CRYBG1: variants seen among roughly 807,000 people sequenced by gnomAD.
CRYBG1 encodes beta/gamma crystallin domain-containing protein 1.
A neutral mutation model predicts 189.2 loss-of-function variants in CRYBG1; 139 were observed. That is an observed-to-expected ratio of 0.73 (90% CI 0.64 to 0.85). CRYBG1 has a LOEUF of 0.85. CRYBG1 is among the 40% of genes least tolerant of loss of function. The pLI, the probability that CRYBG1 is intolerant of heterozygous loss-of-function variation, is 0.00. For missense variants in CRYBG1, 2,611 were observed against 2,675.8 expected (o/e 0.98, Z 0.53); for synonymous variants, 1,023 against 1,017.1 (o/e 1.01, Z -0.11).
chr6:106,470,466 G>A (rs1475471173), intron 2 of CRYBG1, among the ~76,000 whole-genome samples: 1 of 152,082 alleles, frequency 6.6e-6, no homozygotes, highest in African/African-American at 2.4e-5. Context: ...CCAGCTACTT[G>A]GGAGGCTGAG....
rs373859652 is a variant in CRYBG1, at chr6:106,539,515, C to T, written c.4831C>T (p.Arg1611Trp). The T allele has an allele frequency of 1.2e-5, 20 of 1,609,486 alleles. No individual in the cohort carries two copies. Among genetic ancestry groups the T allele is most frequent in the African/African-American group, 8.0e-5 (6 of 74,628 alleles). The change falls in exon 9 of 22, where the codon CGG becomes TGG. Residue 1611 changes from arginine (R) to tryptophan (W), a missense_variant. Arg to Trp is a moderately radical substitution (Grantham distance 101). This residue lies in a region of CRYBG1 where 1,622 missense variants were observed against 1,735.0 expected (regional missense o/e 0.93). Transcript: ENST00000633556. ...DTEEAYIGSMRPLKMGGRKVE... is the reference protein window; with the variant it reads ...DTEEAYIGSMWPLKMGGRKVE... Reference sequence around the variant, plus strand: ...AGAAGAAGCGTACATTGGATCCATGCGGCCTCTGAAAATGGTAAAAATGAA... The same window carrying T: ...AGAAGAAGCGTACATTGGATCCATGTGGCCTCTGAAAATGGTAAAAATGAA...
In CRYBG1 at chr6:106,530,323, T is replaced by G. The variant is rs1053487407; in HGVS notation, c.4718+8T>G. On this transcript the variant is annotated splice_region_variant and intron_variant, in intron 8 of 21. Coordinates refer to ENST00000633556, the MANE Select transcript of CRYBG1 (RefSeq NM_001371242.2). ...GAAAGTACATTGGGGCACGTAAGTA[T>G]TTTTTTTTCAAACAAATTTTAATGA... 2 of 1,557,642 alleles carry G rather than the reference T, an allele frequency of 1.3e-6. No homozygotes were observed. Among genetic ancestry groups the G allele is most frequent in the African/African-American group, 2.8e-5 (2 of 72,486 alleles).
At chr6:106,453,145 T>C (rs943278286) in intron 2 of CRYBG1, among the ~76,000 whole-genome samples, 1 of 152,224 alleles carries the variant, frequency 6.6e-6, no homozygotes, top group South Asian at 2.1e-4. Context: ...TAGTTCTGTA[T>C]AGTTAAAAAT....
chr6:106,530,180 A>T lies in CRYBG1; in HGVS notation c.4583A>T (p.Tyr1528Phe). ...IGSIRHVVQD[Y>F]RVSHIDLFTE... ...TATGCATCTATATTTTTTCAGGATTACAGAGTTAGTCACATTGACTTATTT... is the reference window on the plus strand; with the variant it reads ...TATGCATCTATATTTTTTCAGGATTTCAGAGTTAGTCACATTGACTTATTT... Residue 1528 changes from tyrosine to phenylalanine, a missense_variant, in exon 8 of 22, where the codon TAC becomes TTC. Tyr to Phe is a conservative substitution (Grantham distance 22). Coordinates refer to ENST00000633556, the MANE Select transcript of CRYBG1 (RefSeq NM_001371242.2). 6.2e-7 allele frequency: 1 copy of T among 1,609,366 alleles called. No homozygotes were observed. Among genetic ancestry groups the T allele is most frequent in the Non-Finnish European group, 8.5e-7 (1 of 1,177,658 alleles).
At position 106,360,913 on chromosome 6, in the gene CRYBG1, C is replaced by T. The variant is rs1175992685; in HGVS notation, c.5C>T (p.Pro2Leu). The change falls in exon 1 of 22, where the codon CCG becomes CTG. Residue 2 changes from proline (P) to leucine (L), a missense_variant. By Grantham distance (98) the Pro-to-Leu change is moderately conservative. This residue lies in a region of CRYBG1 where 985 missense variants were observed against 924.4 expected (regional missense o/e 1.07). Transcript: ENST00000633556. ...GAGCGGGAGGAGGACAAGACGATGC[C>T]GCTGTCCCCGCCAGCCCAGGGCGAC... is the stretch of plus-strand genomic sequence containing the variant. M[P>L]LSPPAQGDPG... is the part of the protein sequence containing the mutation. 4 of 1,532,780 alleles carry T rather than the reference C, an allele frequency of 2.6e-6. No homozygotes were observed. The highest frequency in any genetic ancestry group is 3.5e-6 in the Non-Finnish European group (4 of 1,145,296). 94.9% of individuals were successfully genotyped at this position (1,532,780 alleles called of 1,614,324 possible).
chr6:106,495,757 A>G (rs1213747531), intron 2 of CRYBG1, among the ~76,000 whole-genome samples: 1 of 145,676 alleles, frequency 6.9e-6, no homozygotes, highest in African/African-American at 2.6e-5. Flanking sequence ...TACAGCATCT[A>G]TTTTATAGAC....
rs557307856 is a variant in CRYBG1, at chr6:106,475,907, G to A, written c.312+24075G>A. Among the ~76,000 whole-genome samples, 13 of 152,266 alleles carry A rather than the reference G, an allele frequency of 8.5e-5. No individual in the cohort carries two copies. The South Asian group carries it at 1.0e-3, about 12-fold the overall frequency. ...CCTCTGTCACAGAACTTAAAACTCC[G>A]TCTAGTGGTTTTCAGAGATATCACC... is the stretch of plus-strand genomic sequence containing the variant. On this transcript the variant is annotated intron_variant, in intron 2 of 21. Coordinates refer to ENST00000633556, the MANE Select transcript of CRYBG1 (RefSeq NM_001371242.2).
chr6:106,560,743 G>A, intron 18 of CRYBG1, 60 bp from the exon 19 acceptor site: 1 of 1,557,164 alleles, frequency 6.4e-7, no homozygotes, highest in Non-Finnish European at 8.7e-7. Context: ...AAAAATAAAT[G>A]TAATTGGGGT....
intron 1 of CRYBG1, among the ~76,000 whole-genome samples, chr6:106,374,635 A>T (rs1299575772): frequency 6.6e-6 from 1 of 152,242 alleles, no homozygotes; most frequent in African/African-American, 2.4e-5. Flanking sequence ...AGAATTTATA[A>T]TTCTTGAGTG....
At chr6:106,487,137 A>G (rs1393243241) in intron 2 of CRYBG1, among the ~76,000 whole-genome samples, 1 of 152,172 alleles carries the variant, frequency 6.6e-6, no homozygotes, top group Non-Finnish European at 1.5e-5. Context: ...TGTAATTATA[A>G]TAGACTATTT....
In CRYBG1 at chr6:106,541,572, G is replaced by A. The variant is rs754636540; in HGVS notation, c.4846-14G>A. ...AGTGAAAAACTATTTTTCTTACTAT[G>A]TTGTTTTTTTCAGGGTGGCCGTAAA... On this transcript the variant is annotated splice_polypyrimidine_tract_variant and intron_variant, in intron 9 of 21. Coordinates refer to ENST00000633556, the MANE Select transcript of CRYBG1 (RefSeq NM_001371242.2). 3 of 1,610,722 alleles carry A rather than the reference G, an allele frequency of 1.9e-6. No homozygotes were observed. Among genetic ancestry groups the A allele is most frequent in the Middle Eastern group, 1.7e-4 (1 of 6,006 alleles).
chr6:106,474,577 G>A (rs1345642664), intron 2 of CRYBG1, among the ~76,000 whole-genome samples: 14 of 152,054 alleles, frequency 9.2e-5, no homozygotes, highest in Non-Finnish European at 4.4e-5. Flanking sequence ...TTAGATCCAC[G>A]CAAGAGTGTC....
At chr6:106,390,090 A>G (rs1427369484) in intron 1 of CRYBG1, among the ~76,000 whole-genome samples, 1 of 152,136 alleles carries the variant, frequency 6.6e-6, no homozygotes, top group Non-Finnish European at 1.5e-5. Context: ...TTATTTTTCC[A>G]GGTTCCAGGC....
Position 106,571,923 on chromosome 6 carries a change from G to A in CRYBG1, c.*3357G>A. ...ATCTGGAAAAATGTTTGAAAGGGAT[G>A]GCTAGAAAAAAATTTGGGCTCACAG... On this transcript the variant is annotated 3_prime_UTR_variant, in exon 22 of 22. Transcript: ENST00000633556. The A allele has an allele frequency of 2.1e-6, 2 of 943,890 alleles. No individual in the cohort carries two copies. The highest frequency in any genetic ancestry group is 3.4e-6 in the Non-Finnish European group (2 of 585,836). The allele number at this position is 943,890 out of a possible 1,614,324, so 58.5% of individuals were successfully genotyped here.
rs1189212775 is a variant in CRYBG1, at chr6:106,569,991, G to A, written c.*1425G>A. Reference sequence around the variant, plus strand: ...TCAAGCAATCTTGGAATCCTCAACTGCAGTAAGCATTTCAAAATGCAAACA... The same window carrying A: ...TCAAGCAATCTTGGAATCCTCAACTACAGTAAGCATTTCAAAATGCAAACA... On this transcript the variant is annotated 3_prime_UTR_variant, in exon 22 of 22. Coordinates refer to ENST00000633556, the MANE Select transcript of CRYBG1 (RefSeq NM_001371242.2). 2.0e-5 allele frequency: 3 copies of A among 152,206 alleles called. No individual in the cohort carries two copies. Among genetic ancestry groups the A allele is most frequent in the African/African-American group, 7.2e-5 (3 of 41,452 alleles). 9.4% of individuals were successfully genotyped at this position (152,206 alleles called of 1,614,324 possible).
chr6:106,400,396 T>C (rs1770700368), intron 1 of CRYBG1, among the ~76,000 whole-genome samples: 1 of 152,236 alleles, frequency 6.6e-6, no homozygotes. Flanking sequence ...TTAATATTAG[T>C]GTAATTGTGC....
At chr6:106,475,719 A>T (rs1772320892) in intron 2 of CRYBG1, among the ~76,000 whole-genome samples, 2 of 152,222 alleles carry the variant, frequency 1.3e-5, no homozygotes, top group Non-Finnish European at 2.9e-5. Context: ...GGTATCTGAG[A>T]TACAGATGGT....
rs1774418095 is a variant in CRYBG1, at chr6:106,552,136, G to A, written c.5440-48G>A. The A allele has an allele frequency of 2.0e-6, 3 of 1,523,590 alleles. No homozygotes were observed. In the East Asian group the frequency reaches 6.8e-5, roughly 34 times the overall value. The allele number at this position is 1,523,590 out of a possible 1,614,324, so 94.4% of individuals were successfully genotyped here. ...TCTAGAAGAAAAAAACTTTTTCAAT[G>A]TGTTTGTTCTATTCATTTCCTTTTC... On this transcript the variant is annotated intron_variant, in intron 14 of 21. Coordinates refer to ENST00000633556, the MANE Select transcript of CRYBG1 (RefSeq NM_001371242.2).
At chr6:106,554,115 A>T (rs1774474038) in intron 16 of CRYBG1, among the ~76,000 whole-genome samples, 1 of 152,142 alleles carries the variant, frequency 6.6e-6, no homozygotes, top group Admixed American at 6.5e-5. Flanking sequence ...CCTTGTACAA[A>T]AGCTTCATGG....
Sources: gnomAD v4.1 joint callset for allele counts (sites outside exome capture counted in the v4.1 genomes callset) on GRCh38, gnomAD v4.1.1 for gene constraint, gnomAD v4.1.1 regional missense constraint, MANE v1.5 for transcripts, NCBI Gene and HGNC (gene_info 2026-07-23, HGNC 2026-07-21) for gene names.